Variants in GK5 observed in about 807,000 individuals in gnomAD.
GK5 encodes the protein ATP:glycerol 3-phosphotransferase 5.
In GK5, 39 loss-of-function variants were observed where a neutral mutation model predicts 77.3. The observed-to-expected ratio is 0.50, with a 90% CI of 0.39 to 0.66. The LOEUF (loss-of-function observed/expected upper bound fraction) is 0.66. GK5 is among the 30% of genes least tolerant of loss of function. The pLI, the probability that GK5 is intolerant of heterozygous loss-of-function variation, is 0.00. For synonymous variants in GK5, 211 were observed against 208.0 expected (o/e 1.01, Z -0.13); for missense variants, 487 against 633.8 (o/e 0.77, Z 2.49).
intron 11 of GK5, among the ~76,000 whole-genome samples, chr3:142,179,709 TGAA>T (rs1247088242): frequency 6.6e-6 from 1 of 152,212 alleles, no homozygotes; most frequent in East Asian, 1.9e-4. Flanking sequence ...ATTCCTTGCT[TGAA>T]GAATTTCTCT....
chr3:142,201,414 T>TA, intron 4 of GK5, among the ~76,000 whole-genome samples: 1 of 152,310 alleles, frequency 6.6e-6, no homozygotes, highest in South Asian at 2.1e-4. Context: ...CCTATGTATA[T>TA]AACATTTTTC....
intron 5 of GK5, among the ~76,000 whole-genome samples, chr3:142,191,530 T>C (rs1249862555): frequency 6.6e-6 from 1 of 151,970 alleles, no homozygotes; most frequent in Non-Finnish European, 1.5e-5. Context: ...AGCGACACTC[T>C]ATCTCTATTA....
At chr3:142,185,714 C>A in intron 9 of GK5, 1 of 1,495,474 alleles carries the variant, frequency 6.7e-7, no homozygotes, top group Non-Finnish European at 8.9e-7. Flanking sequence ...TTATAAAGTA[C>A]TTCCATGATA....
rs1217742033 is a variant in GK5, at chr3:142,186,134, C to T, written c.755+60G>A. On this transcript the variant is annotated intron_variant, in intron 8 of 15. Transcript: ENST00000392993. ...ACATGTAATAAAATGCTTTTCCCCA[C>T]GAAACAAAATGAATTCAAGAACCAT... is the stretch of plus-strand genomic sequence containing the variant. The T allele has an allele frequency of 1.2e-5, 15 of 1,270,140 alleles. No individual in the cohort carries two copies. The Admixed American group carries it at 1.2e-4, about 11-fold the overall frequency. The allele number at this position is 1,270,140 out of a possible 1,614,324, so 78.7% of individuals were successfully genotyped here.
At chr3:142,224,309 G>A (rs1375016161) in intron 1 of GK5, among the ~76,000 whole-genome samples, 4 of 152,134 alleles carry the variant, frequency 2.6e-5, no homozygotes, top group Non-Finnish European at 5.9e-5. Context: ...TACTTGGGGG[G>A]CTGAGGTGGA....
At chr3:142,178,137 C>T (rs9289644) in intron 11 of GK5, among the ~76,000 whole-genome samples, 56,003 of 151,786 alleles carry the variant, frequency 0.37, 12,057 homozygotes, top group African/African-American at 0.6. Flanking sequence ...GGAATACAGG[C>T]GTGAGCCGCC....
At chr3:142,220,108 G>A (rs1036913666) in intron 1 of GK5, among the ~76,000 whole-genome samples, 9 of 152,208 alleles carry the variant, frequency 5.9e-5, no homozygotes, top group African/African-American at 2.2e-4. Context: ...CAAGGACAAA[G>A]AGAAGAGCAA....
rs375413450 is a variant in GK5, at chr3:142,172,838, T to C, written c.1144-382A>G. On this transcript the variant is annotated intron_variant, in intron 12 of 15. Transcript: ENST00000392993. ...TAGAATAGCTTTCTACTTTTTACTA[T>C]GTAGAATAGCTTTCTACAAAAATGT... Among the ~76,000 whole-genome samples the C allele has an allele frequency of 4.6e-5, 7 of 152,368 alleles. No individual in the cohort carries two copies. In the East Asian group the frequency reaches 7.7e-4, roughly 17 times the overall value.
chr3:142,225,362 G>T lies in GK5; in HGVS notation c.94C>A (p.Arg32Ser). 1 of 1,581,332 alleles carries T rather than the reference G, an allele frequency of 6.3e-7. No individual in the cohort carries two copies. The highest frequency in any genetic ancestry group is 8.6e-7 in the Non-Finnish European group (1 of 1,165,086). ...LGLDVGSSVI[R>S]CHVYDRAARV... ...GCCGCCCGGTCATAGACGTGGCAGC[G>T]GATCACAGAACTGCCCACATCCAGC... is the stretch of plus-strand genomic sequence containing the variant. The change falls in exon 1 of 16, where the codon CGC (arginine) becomes AGC (serine). Residue 32 changes from arginine to serine, a missense_variant. By Grantham distance (110) the Arg-to-Ser change is moderately radical. Around this residue, in one of 4 missense-constraint regions of GK5, gnomAD observed 97 missense variants for 86.9 expected, o/e 1.12. Coordinates refer to ENST00000392993, the MANE Select transcript of GK5 (RefSeq NM_001039547.3).
chr3:142,206,743 C>G (rs1282165432), intron 3 of GK5, among the ~76,000 whole-genome samples: 1 of 152,184 alleles, frequency 6.6e-6, no homozygotes, highest in East Asian at 1.9e-4. Flanking sequence ...GACAGTATCT[C>G]TGAGGGATTA....
chr3:142,158,428 A>G lies in GK5; in HGVS notation c.*7194T>C, dbSNP rs2063399357. ...AAACCAAAACAGGTAATAGTATTTA[A>G]TAAGAATGTCCTGGTAATTTTTTTT... On this transcript the variant is annotated 3_prime_UTR_variant, in exon 16 of 16. Coordinates refer to ENST00000392993, the MANE Select transcript of GK5 (RefSeq NM_001039547.3). The G allele has an allele frequency of 6.6e-6, 1 of 152,534 alleles. No homozygotes were observed. The highest frequency in any genetic ancestry group is 2.4e-5 in the African/African-American group (1 of 41,458). The allele number at this position is 152,534 out of a possible 1,614,324, so 9.4% of individuals were successfully genotyped here.
At chr3:142,173,367 T>C (rs901364083) in intron 12 of GK5, among the ~76,000 whole-genome samples, 3 of 151,670 alleles carry the variant, frequency 2.0e-5, no homozygotes, top group Non-Finnish European at 4.4e-5. Context: ...TCTCCAGAAA[T>C]GTAAGGCAAT....
At chr3:142,204,395 T>G in intron 4 of GK5, 1 of 386,194 alleles carries the variant, frequency 2.6e-6, no homozygotes, top group Non-Finnish European at 4.9e-6. Context: ...AAGATGAAAT[T>G]TGGGCATTTC....
At chr3:142,214,295 A>C (rs1306297972) in intron 2 of GK5, among the ~76,000 whole-genome samples, 2 of 152,230 alleles carry the variant, frequency 1.3e-5, no homozygotes, top group African/African-American at 4.8e-5. Context: ...AATAAAGGAA[A>C]ACTCTCAAGG....
At chr3:142,173,185 A>T in intron 12 of GK5, 1 of 439,516 alleles carries the variant, frequency 2.3e-6, no homozygotes, top group South Asian at 1.6e-5. Context: ...TAGGTGACAG[A>T]GTGAGACAGG....
chr3:142,217,924 T>G (rs1303940446), intron 1 of GK5, among the ~76,000 whole-genome samples: 1 of 151,794 alleles, frequency 6.6e-6, no homozygotes, highest in East Asian at 1.9e-4. Context: ...CTAAAATTTA[T>G]GCAAGGCAAA....
intron 12 of GK5, among the ~76,000 whole-genome samples, chr3:142,174,229 A>G (rs2063578746): frequency 6.6e-6 from 1 of 152,246 alleles, no homozygotes; most frequent in African/African-American, 2.4e-5. Flanking sequence ...GAATAAATGA[A>G]CAAACAATAT....
chr3:142,167,384 A>T (rs560145230), intron 15 of GK5, among the ~76,000 whole-genome samples: 8 of 150,804 alleles, frequency 5.3e-5, no homozygotes, highest in African/African-American at 2.0e-4. Context: ...AAAAAAAAAA[A>T]ATTTTTAATT....
rs1457433182 is a variant in GK5 at position 142,165,373 on chromosome 3, G to A, written c.*249C>T. Reference sequence around the variant, plus strand: ...CAAAATGTGGTTGGAAATGACTAATGTCCTTTGGAATTTGCTACAAAATAG... The same window carrying A: ...CAAAATGTGGTTGGAAATGACTAATATCCTTTGGAATTTGCTACAAAATAG... On this transcript the variant is annotated 3_prime_UTR_variant, in exon 16 of 16. Coordinates refer to ENST00000392993, the MANE Select transcript of GK5 (RefSeq NM_001039547.3). 3.0e-6 allele frequency: 1 copy of A among 338,136 alleles called. No homozygotes were observed. Among genetic ancestry groups the A allele is most frequent in the East Asian group, 5.4e-5 (1 of 18,580 alleles). The allele number at this position is 338,136 out of a possible 1,614,324, so 20.9% of individuals were successfully genotyped here.
Sources: gnomAD v4.1 joint callset for allele counts (sites outside exome capture counted in the v4.1 genomes callset) on GRCh38, gnomAD v4.1.1 for gene constraint, gnomAD v4.1.1 regional missense constraint, MANE v1.5 for transcripts, NCBI Gene and HGNC (gene_info 2026-07-23, HGNC 2026-07-21) for gene names.